NKAIN3: variants seen among roughly 807,000 people sequenced by gnomAD.
NKAIN3 encodes the protein sodium/potassium-transporting ATPase subunit beta-1-interacting protein 3.
In NKAIN3, 25 loss-of-function variants were observed where a neutral mutation model predicts 30.2. That is an observed-to-expected ratio of 0.83 (90% CI 0.60 to 1.16). The LOEUF (loss-of-function observed/expected upper bound fraction) is 1.16. NKAIN3 is among the 50% of genes most tolerant of loss of function. The pLI is 0.00. For synonymous variants in NKAIN3, 91 were observed against 89.6 expected (o/e 1.02, Z -0.09); for missense variants, 225 against 254.1 (o/e 0.89, Z 0.78).
At chr8:62,801,944 G>A (rs199615365) in intron 4 of NKAIN3, among the ~76,000 whole-genome samples, 2 of 152,190 alleles carry the variant, frequency 1.3e-5, no homozygotes, top group Admixed American at 6.5e-5. Context: ...GGAGCTGAAA[G>A]CCAAGGCTCG....
intron 1 of NKAIN3, among the ~76,000 whole-genome samples, chr8:62,566,246 C>A (rs930427957): frequency 6.6e-6 from 1 of 152,158 alleles, no homozygotes; most frequent in Non-Finnish European, 1.5e-5. Context: ...TGCTTGTCTT[C>A]TCAGGCAGAG....
intron 3 of NKAIN3, among the ~76,000 whole-genome samples, chr8:62,624,704 C>T (rs974854661): frequency 6.6e-6 from 1 of 151,012 alleles, no homozygotes; most frequent in Admixed American, 6.6e-5. Flanking sequence ...CTGCTCCTTT[C>T]TCTTTTTCTG....
chr8:62,782,739 G>C (rs1334901591), intron 4 of NKAIN3, among the ~76,000 whole-genome samples: 1 of 149,294 alleles, frequency 6.7e-6, no homozygotes, highest in African/African-American at 2.5e-5. Flanking sequence ...AAATAACTTG[G>C]TCACATGGAC....
intron 3 of NKAIN3, among the ~76,000 whole-genome samples, chr8:62,661,184 A>G (rs925231556): frequency 6.6e-6 from 1 of 152,202 alleles, no homozygotes; most frequent in African/African-American, 2.4e-5. Context: ...TTCTTGGGTC[A>G]GCACTCATGC....
chr8:62,467,452 C>A (rs980163902), intron 1 of NKAIN3, among the ~76,000 whole-genome samples: 6 of 152,114 alleles, frequency 3.9e-5, no homozygotes, highest in African/African-American at 1.4e-4. Flanking sequence ...ATTAGTGCTC[C>A]TTTTTGATCA....
chr8:62,523,744 C>G (rs563439550), intron 1 of NKAIN3, among the ~76,000 whole-genome samples: 44 of 152,140 alleles, frequency 2.9e-4, no homozygotes, highest in Middle Eastern at 6.8e-3. Context: ...CACCAGGGCT[C>G]TGAATATTGA....
In NKAIN3 at chr8:62,306,536, TTGTGTGTG is replaced by T. The variant is rs10552182; in HGVS notation, c.54+57443_54+57450del. ...CAATGCCTAGAAGGCTTTGAAGGCT[TTGTGTGTG>T]TGTGTGTGTGTGTGTGTGTGTGTGT... On this transcript the variant is annotated intron_variant, in intron 1 of 6. Transcript: ENST00000623646. Among the ~76,000 whole-genome samples, 602 of 136,024 alleles carry T rather than the reference TTGTGTGTG, an allele frequency of 4.4e-3. 14 individuals are homozygous for T. The highest frequency in any genetic ancestry group is 0.024 in the South Asian group (100 of 4,144). The allele number at this position is 136,024 out of a possible 152,430, so 89.2% of individuals were successfully genotyped here. A position where few individuals can be genotyped will look rare whatever the true frequency, so the allele number is the denominator to read the frequency against.
At chr8:62,815,309 C>A (rs1018743070) in intron 4 of NKAIN3, among the ~76,000 whole-genome samples, 1 of 152,098 alleles carries the variant, frequency 6.6e-6, no homozygotes, top group Non-Finnish European at 1.5e-5. Context: ...GAACTGGTAC[C>A]ATTCCTTCTG....
At chr8:62,647,197 C>A (rs939255100) in intron 3 of NKAIN3, among the ~76,000 whole-genome samples, 3 of 152,164 alleles carry the variant, frequency 2.0e-5, no homozygotes, top group Non-Finnish European at 4.4e-5. Flanking sequence ...TGATACCATC[C>A]CTTGCGATTC....
At chr8:62,878,971 T>C (rs1820887291) in intron 4 of NKAIN3, among the ~76,000 whole-genome samples, 2 of 152,224 alleles carry the variant, frequency 1.3e-5, no homozygotes, top group Non-Finnish European at 2.9e-5. Flanking sequence ...GCAATAAACA[T>C]ACGTGTGCAT....
intron 1 of NKAIN3, among the ~76,000 whole-genome samples, chr8:62,335,143 A>T (rs925507202): frequency 6.6e-6 from 1 of 152,012 alleles, no homozygotes; most frequent in Non-Finnish European, 1.5e-5. Context: ...ATCTTTGAAA[A>T]TCTCATGCCA....
At chr8:62,556,589 T>C (rs537338587) in intron 1 of NKAIN3, among the ~76,000 whole-genome samples, 48 of 151,846 alleles carry the variant, frequency 3.2e-4, no homozygotes, top group African/African-American at 1.1e-3. Context: ...ATAGAAAGTA[T>C]GCAATTGAAA....
chr8:62,468,782 T>C (rs912717043), intron 1 of NKAIN3, among the ~76,000 whole-genome samples: 1 of 152,190 alleles, frequency 6.6e-6, no homozygotes, highest in African/African-American at 2.4e-5. Context: ...GTCATGTTTA[T>C]GTTTCTGGGT....
At chr8:62,281,843 T>A (rs1314398666) in intron 1 of NKAIN3, among the ~76,000 whole-genome samples, 1 of 152,134 alleles carries the variant, frequency 6.6e-6, no homozygotes, top group East Asian at 1.9e-4. Flanking sequence ...AATATTCAAA[T>A]TGAATACAGG....
intron 1 of NKAIN3, among the ~76,000 whole-genome samples, chr8:62,430,584 A>G (rs923437533): frequency 6.6e-6 from 1 of 151,780 alleles, no homozygotes; most frequent in Non-Finnish European, 1.5e-5. Flanking sequence ...TAATTTATTC[A>G]CATTCTCATG....
At chr8:62,946,671 T>C (rs139916119) in intron 5 of NKAIN3, among the ~76,000 whole-genome samples, 53 of 152,284 alleles carry the variant, frequency 3.5e-4, no homozygotes, top group African/African-American at 1.2e-3. Flanking sequence ...GCCCCCATAT[T>C]TGAGTTCTTC....
intron 1 of NKAIN3, among the ~76,000 whole-genome samples, chr8:62,251,895 A>G (rs1418737790): frequency 6.6e-6 from 1 of 152,224 alleles, no homozygotes; most frequent in African/African-American, 2.4e-5. Context: ...AAACACAGCA[A>G]AATAATTAGG....
Position 62,798,556 on chromosome 8 carries a change from A to G in NKAIN3, c.471+51427A>G, listed in dbSNP as rs530378372. 1.6e-4 allele frequency among the ~76,000 whole-genome samples: 24 copies of G among 150,284 alleles called. 1 individual carries two copies. The highest frequency in any genetic ancestry group is 3.2e-4 in the Non-Finnish European group (22 of 67,840). On this transcript the variant is annotated intron_variant, in intron 4 of 6. Transcript: ENST00000623646. ...CACTGCACTCCAGCCTGGGTGACAG[A>G]GTGAGACTCCGTCCCCCCCAAAAAA...
At position 62,995,892 on chromosome 8, in the gene NKAIN3, A is replaced by C. The variant is rs555345309; in HGVS notation, c.533-3339A>C. Among the ~76,000 whole-genome samples the C allele has an allele frequency of 2.0e-5, 3 of 152,330 alleles. No homozygotes were observed. In the South Asian group the frequency reaches 6.2e-4, roughly 32 times the overall value. On this transcript the variant is annotated intron_variant, in intron 5 of 5. Coordinates refer to the NKAIN3 transcript ENST00000519049. ...CAGCATCACCTGGGAGCTTGTTAGA[A>C]ATGCAAATTCTCAAGCCTCACCTCA...
Sources: gnomAD v4.1 joint callset for allele counts (sites outside exome capture counted in the v4.1 genomes callset) on GRCh38, gnomAD v4.1.1 for gene constraint, MANE v1.5 for transcripts, NCBI Gene and HGNC (gene_info 2026-07-23, HGNC 2026-07-21) for gene names.